Variants in NAV3 observed in about 807,000 individuals in gnomAD.
The protein encoded by NAV3 is pore membrane and/or filament interacting like protein 1.
In NAV3, 87 loss-of-function variants were observed where a neutral mutation model predicts 244.7. The ratio of observed to expected loss-of-function variants is 0.36; its 90% CI spans 0.30 to 0.42. The LOEUF (loss-of-function observed/expected upper bound fraction) is 0.42, where lower values mean the gene tolerates loss of function less well. NAV3 is among the 20% of genes least tolerant of loss of function. The pLI is 1.00. For missense variants in NAV3, 2,663 were observed against 2,893.3 expected, an observed-to-expected ratio of 0.92 and a Z score of 1.83; for synonymous variants, 1,126 against 1,042.2, an observed-to-expected ratio of 1.08 and a Z score of -1.55.
At chr12:78,126,865 A>C (rs1356754325) in intron 16 of NAV3, among the ~76,000 whole-genome samples, 1 of 152,158 alleles carries the variant, frequency 6.6e-6, no homozygotes, top group Non-Finnish European at 1.5e-5. Context: ...GGGAAGGAAA[A>C]ACTAAGATAG....
chr12:77,642,258 A>G (rs1237406344), intron 2 of NAV3, among the ~76,000 whole-genome samples: 1 of 151,988 alleles, frequency 6.6e-6, no homozygotes, highest in African/African-American at 2.4e-5. Flanking sequence ...GTCTCCCAAG[A>G]GCTCAGTGTT....
intron 2 of NAV3, among the ~76,000 whole-genome samples, chr12:77,723,182 C>T (rs1402215742): frequency 6.6e-6 from 1 of 151,936 alleles, no homozygotes; most frequent in African/African-American, 2.4e-5. Flanking sequence ...GACAATGGTA[C>T]TGGGAGATGG....
At chr12:77,612,068 T>C (rs974689238) in intron 2 of NAV3, among the ~76,000 whole-genome samples, 13 of 151,502 alleles carry the variant, frequency 8.6e-5, no homozygotes, top group African/African-American at 3.2e-4. Flanking sequence ...TAGAAAAAAA[T>C]GCTTTTAGGT....
At chr12:77,872,879 T>C (rs2136475221) in intron 1 of NAV3, among the ~76,000 whole-genome samples, 1 of 152,322 alleles carries the variant, frequency 6.6e-6, no homozygotes, top group South Asian at 2.1e-4. Context: ...AAAAAGTTTT[T>C]ACAAACCTTT....
intron 20 of NAV3, 149 bp downstream of exon 20, chr12:78,140,483 A>C (rs1593755562): frequency 5.8e-6 from 4 of 685,262 alleles, no homozygotes; most frequent in East Asian, 2.8e-5. Flanking sequence ...GCTGCCCAAT[A>C]CCCAATAAAG....
At chr12:77,596,111 G>A (rs1592487874) in intron 2 of NAV3, among the ~76,000 whole-genome samples, 2 of 152,102 alleles carry the variant, frequency 1.3e-5, no homozygotes, top group African/African-American at 4.8e-5. Context: ...TGGGCTCTGG[G>A]ACCAAGCAAA....
intron 18 of NAV3, among the ~76,000 whole-genome samples, chr12:78,136,241 C>A (rs1211416792): frequency 6.6e-6 from 1 of 152,202 alleles, no homozygotes; most frequent in Non-Finnish European, 1.5e-5. Flanking sequence ...TCTTAAGAGG[C>A]TCCTGCCTGC....
chr12:77,960,482 C>T (rs1242282), intron 3 of NAV3, among the ~76,000 whole-genome samples: 147,750 of 149,386 alleles, frequency 0.99, 73,090 homozygotes, highest in Middle Eastern at 1. Context: ...TATACATAAA[C>T]ACATATATAT....
chr12:77,967,120 C>T (rs1264524524), intron 4 of NAV3, among the ~76,000 whole-genome samples: 1 of 151,920 alleles, frequency 6.6e-6, no homozygotes, highest in Non-Finnish European at 1.5e-5. Flanking sequence ...GTAAAATTCC[C>T]CAGGATAATA....
intron 11 of NAV3, among the ~76,000 whole-genome samples, chr12:78,052,450 C>T (rs547779526): frequency 6.6e-6 from 1 of 152,252 alleles, no homozygotes; most frequent in Non-Finnish European, 1.5e-5. Flanking sequence ...CGGAACCTAA[C>T]GTATCCAAAT....
intron 7 of NAV3, 55 bp from the exon 8 acceptor site, chr12:78,006,364 A>G (rs750295707): frequency 1.3e-5 from 19 of 1,509,032 alleles, no homozygotes; most frequent in Non-Finnish European, 1.7e-5. Flanking sequence ...ATTATGTAAT[A>G]TAAATGATCA....
intron 9 of NAV3, among the ~76,000 whole-genome samples, chr12:78,046,786 T>C (rs1417927378): frequency 1.3e-5 from 2 of 152,134 alleles, no homozygotes; most frequent in Non-Finnish European, 2.9e-5. Flanking sequence ...TGAATATCTT[T>C]GTTAATTTTC....
chr12:78,108,528 A>G (rs1490347729), intron 12 of NAV3, among the ~76,000 whole-genome samples: 1 of 152,158 alleles, frequency 6.6e-6, no homozygotes, highest in Non-Finnish European at 1.5e-5. Flanking sequence ...ACATGAAACA[A>G]TGTCCAAGAT....
chr12:78,175,031 G>A (rs560042928), intron 24 of NAV3, among the ~76,000 whole-genome samples: 2 of 152,062 alleles, frequency 1.3e-5, no homozygotes, highest in South Asian at 4.1e-4. Context: ...CACTAGCATA[G>A]CATTTAATTT....
Position 78,168,838 on chromosome 12 carries a change from A to C in NAV3, c.4953A>C (p.Ala1651=). 2 of 1,609,952 alleles carry C rather than the reference A, an allele frequency of 1.2e-6. No individual in the cohort carries two copies. The highest frequency in any genetic ancestry group is 1.7e-6 in the Non-Finnish European group (2 of 1,177,188). ...CTGCCCAGGCGGCTATTCAGGGAGCACTGAATGGTCCAGACCATCCTCCCA... is the reference window on the plus strand; with the variant it reads ...CTGCCCAGGCGGCTATTCAGGGAGCCCTGAATGGTCCAGACCATCCTCCCA... ...NSAAQAAIQG[A]LNGPDHPPKD... Residue 1651 remains alanine, a synonymous_variant, in exon 24 of 40, where the codon GCA becomes GCC. Coordinates refer to ENST00000397909, the MANE Select transcript of NAV3 (RefSeq NM_001024383.2).
intron 22 of NAV3, among the ~76,000 whole-genome samples, chr12:78,158,166 G>A (rs1320351806): frequency 2.0e-5 from 3 of 152,064 alleles, no homozygotes; most frequent in Non-Finnish European, 4.4e-5. Context: ...TCTTATTCAT[G>A]TCTTTCAAAA....
intron 12 of NAV3, among the ~76,000 whole-genome samples, chr12:78,070,799 G>A (rs537013927): frequency 3.7e-4 from 55 of 148,148 alleles, no homozygotes; most frequent in Middle Eastern, 3.4e-3. Context: ...GAGAATATGC[G>A]GTGTTTGGTT....
rs573914855 is a variant in NAV3, at chr12:77,705,594, C to A, written c.72+133328C>A. Among the ~76,000 whole-genome samples the A allele has an allele frequency of 2.4e-4, 36 of 151,496 alleles. 4 individuals are homozygous for A. Among genetic ancestry groups the A allele is most frequent in the Admixed American group, 7.9e-4 (12 of 15,270 alleles). ...TGCATGGCTACATCAGGCACACTTT[C>A]GAGAAAAGGACAAAATAAATATGAC... On this transcript the variant is annotated intron_variant, in intron 2 of 8. Transcript: ENST00000550042.
At chr12:77,777,257 A>AACAATATAATGAAATATATAT in intron 2 of NAV3, among the ~76,000 whole-genome samples, 1 of 152,222 alleles carries the variant, frequency 6.6e-6, no homozygotes, top group Non-Finnish European at 1.5e-5. Context: ...GAACAATTAT[A>AACAATATAATGAAATATATAT]ACAATATAAT....
Sources: gnomAD v4.1 joint callset for allele counts (sites outside exome capture counted in the v4.1 genomes callset) on GRCh38, gnomAD v4.1.1 for gene constraint, MANE v1.5 for transcripts, NCBI Gene and HGNC (gene_info 2026-07-23, HGNC 2026-07-21) for gene names.